Variants in VWA8 observed in about 807,000 individuals in gnomAD.
VWA8 encodes the protein von Willebrand factor A domain-containing protein 8.
VWA8 carries 221 observed loss-of-function variants against 241.5 expected under a neutral mutation model. The ratio of observed to expected loss-of-function variants is 0.91; its 90% CI spans 0.82 to 1.02. The LOEUF (loss-of-function observed/expected upper bound fraction) is 1.02. Among genes scored for constraint, VWA8 ranks in the 50% least tolerant of loss-of-function variants. VWA8 has a pLI of 0.00. For synonymous variants in VWA8, 852 were observed against 827.1 expected, an observed-to-expected ratio of 1.03 and a Z score of -0.52; for missense variants, 2,322 against 2,328.7, an observed-to-expected ratio of 1.00 and a Z score of 0.06.
intron 18 of VWA8, among the ~76,000 whole-genome samples, chr13:41,784,679 T>TCTCTC (rs1555335019): frequency 2.1e-5 from 2 of 93,516 alleles, no homozygotes; most frequent in Admixed American, 1.2e-4. Context: ...TCTCTCTCTC[T>TCTCTC]TTATACATAT....
chr13:41,753,687 G>A (rs1198797377), intron 21 of VWA8, among the ~76,000 whole-genome samples: 1 of 152,092 alleles, frequency 6.6e-6, no homozygotes, highest in African/African-American at 2.4e-5. Context: ...AAAGTACACT[G>A]GTTGTGTTTT....
Position 41,685,255 on chromosome 13 carries a change from A to G in VWA8, c.4132-13T>C. ...CTTCACTGGGTGACTGAAAAAAAGA[A>G]AGAGATTAAAGTACTGAAGTACCAT... is the stretch of plus-strand genomic sequence containing the variant. On this transcript the variant is annotated splice_polypyrimidine_tract_variant and intron_variant, in intron 34 of 44. Coordinates refer to ENST00000379310, the MANE Select transcript of VWA8 (RefSeq NM_015058.2). 2 of 1,607,886 alleles carry G rather than the reference A, an allele frequency of 1.2e-6. No individual in the cohort carries two copies. The highest frequency in any genetic ancestry group is 1.7e-6 in the Non-Finnish European group (2 of 1,177,656).
chr13:41,907,658 T>C lies in VWA8; in HGVS notation c.411A>G (p.Ser137=). 1.2e-6 allele frequency: 2 copies of C among 1,614,176 alleles called. No individual in the cohort carries two copies. Among genetic ancestry groups the C allele is most frequent in the Non-Finnish European group, 1.7e-6 (2 of 1,179,996 alleles). Residue 137 remains serine (S), a synonymous_variant, in exon 4 of 45, where the codon TCA becomes TCG. Transcript: ENST00000379310. ...TGAGATCAGTTTCAGTGGTGTCCCTTGACAGGGCAATGTATTCGACCTCCC... is the reference window on the plus strand; with the variant it reads ...TGAGATCAGTTTCAGTGGTGTCCCTCGACAGGGCAATGTATTCGACCTCCC... ...TKREVEYIAL[S]RDTTETDLKQ... is the part of the protein sequence containing the mutation.
At chr13:41,733,441 C>T (rs1379830930) in intron 21 of VWA8, among the ~76,000 whole-genome samples, 1 of 152,074 alleles carries the variant, frequency 6.6e-6, no homozygotes, top group Non-Finnish European at 1.5e-5. Flanking sequence ...AAAACCCACC[C>T]AAAAGGATTG....
chr13:41,640,125 G>A (rs2044785872), intron 37 of VWA8, among the ~76,000 whole-genome samples: 1 of 152,112 alleles, frequency 6.6e-6, no homozygotes. Context: ...ATTCTTCTTA[G>A]ATACAAAAGA....
rs190033403 is a variant in VWA8 at position 41,957,311 on chromosome 13, C to T, written c.163+3542G>A. 2.0e-3 allele frequency among the ~76,000 whole-genome samples: 297 copies of T among 152,240 alleles called. 1 individual carries two copies. Among genetic ancestry groups the T allele is most frequent in the African/African-American group, 6.8e-3 (284 of 41,524 alleles). On this transcript the variant is annotated intron_variant, in intron 1 of 44. Transcript: ENST00000379310. ...TCTGTACACAAGCTCTCTTACTTGCCGCTATGTAAGACGTGACTTTTCTCC... is the reference window on the plus strand; with the variant it reads ...TCTGTACACAAGCTCTCTTACTTGCTGCTATGTAAGACGTGACTTTTCTCC...
At chr13:41,931,248 T>C (rs1424463358) in intron 2 of VWA8, among the ~76,000 whole-genome samples, 1 of 135,466 alleles carries the variant, frequency 7.4e-6, no homozygotes, top group African/African-American at 2.8e-5. Flanking sequence ...TGGAGGACAT[T>C]ATGCTAAGAG....
intron 5 of VWA8, among the ~76,000 whole-genome samples, chr13:41,889,193 CT>C (rs1468683869): frequency 6.6e-6 from 1 of 152,084 alleles, no homozygotes; most frequent in African/African-American, 2.4e-5. Context: ...TAAAAGTTGT[CT>C]TAAGATGATA....
Position 41,944,844 on chromosome 13 carries a change from G to A in VWA8, c.241+5092C>T, listed in dbSNP as rs375850927. Among the ~76,000 whole-genome samples, 21 of 147,344 alleles carry A rather than the reference G, an allele frequency of 1.4e-4. No homozygotes were observed. In the Middle Eastern group the frequency reaches 0.014, roughly 97 times the overall value. The stretch of plus-strand genomic sequence containing the variant: ...CATTTGTCAAAAAAAATCAACAATT[G>A]TTTAACATCACAGCTGCCTGAGGCA... On this transcript the variant is annotated intron_variant, in intron 2 of 44. Transcript: ENST00000379310.
At chr13:41,703,019 T>G (rs9566824) in intron 27 of VWA8, among the ~76,000 whole-genome samples, 1 of 151,942 alleles carries the variant, frequency 6.6e-6, no homozygotes, top group Non-Finnish European at 1.5e-5. Flanking sequence ...AAAATCAAAA[T>G]GCACAAAGTT....
intron 14 of VWA8, among the ~76,000 whole-genome samples, chr13:41,827,395 T>C (rs1410101992): frequency 2.6e-5 from 4 of 152,106 alleles, no homozygotes; most frequent in Admixed American, 2.0e-4. Context: ...ATAAATCAAA[T>C]ATCAATGAAA....
At chr13:41,593,920 T>C (rs568147250) in intron 40 of VWA8, among the ~76,000 whole-genome samples, 10 of 152,266 alleles carry the variant, frequency 6.6e-5, no homozygotes, top group Admixed American at 2.0e-4. Context: ...AATGAAATTG[T>C]ATATAACATG....
chr13:41,899,967 G>A (rs73185338), intron 4 of VWA8, among the ~76,000 whole-genome samples: 1,892 of 152,292 alleles, frequency 0.012, 13 homozygotes, highest in East Asian at 0.021. Context: ...CATCTCCCCA[G>A]TGGATTCTTA....
Position 41,843,236 on chromosome 13 carries a change from C to T in VWA8, c.1426-9705G>A, listed in dbSNP as rs1872137463. 2.0e-5 allele frequency among the ~76,000 whole-genome samples: 3 copies of T among 152,278 alleles called. No homozygotes were observed. The South Asian group carries it at 6.2e-4, about 32-fold the overall frequency. On this transcript the variant is annotated intron_variant, in intron 12 of 44. Transcript: ENST00000379310. Reference sequence around the variant, plus strand: ...CAATAGACTAAAACCCCAGCATATACAAACTAAAGAATCATATTTTATTCA... The same window carrying T: ...CAATAGACTAAAACCCCAGCATATATAAACTAAAGAATCATATTTTATTCA...
intron 17 of VWA8, among the ~76,000 whole-genome samples, chr13:41,799,771 T>G (rs1190766931): frequency 6.6e-6 from 1 of 152,290 alleles, no homozygotes; most frequent in East Asian, 1.9e-4. Flanking sequence ...AAGTATTAGC[T>G]CTATTGAGAT....
chr13:41,765,395 A>G (rs1197282227), intron 20 of VWA8, among the ~76,000 whole-genome samples: 1 of 152,190 alleles, frequency 6.6e-6, no homozygotes, highest in East Asian at 1.9e-4. Context: ...TTTTTCTAAA[A>G]TAGAGATCTC....
At position 41,891,438 on chromosome 13, in the gene VWA8, A is replaced by C; in HGVS notation, c.633T>G (p.Arg211=). ...EDGRFLMSAE[R]YDKLLRDHTK... The stretch of plus-strand genomic sequence containing the variant: ...TTCTTACTCGGAGAAGTTTGTCGTA[A>C]CGCTCAGCAGACATCAGGAAGCGTC... The change falls in exon 5 of 45, where the codon CGT becomes CGG. Residue 211 remains arginine (R), a synonymous_variant. Transcript: ENST00000379310. 6.2e-7 allele frequency: 1 copy of C among 1,614,160 alleles called. No homozygotes were observed. Among genetic ancestry groups the C allele is most frequent in the Non-Finnish European group, 8.5e-7 (1 of 1,180,018 alleles).
intron 20 of VWA8, among the ~76,000 whole-genome samples, chr13:41,773,673 AT>A (rs571797706): frequency 4.0e-4 from 61 of 152,334 alleles, no homozygotes; most frequent in Non-Finnish European, 7.8e-4. Flanking sequence ...ATGAAAACAC[AT>A]TAGAAAGGAA....
chr13:41,935,951 T>A (rs1877329808), intron 2 of VWA8, among the ~76,000 whole-genome samples: 1 of 152,084 alleles, frequency 6.6e-6, no homozygotes, highest in South Asian at 2.1e-4. Flanking sequence ...ACTGATAGAC[T>A]CAGGTTGCTT....
Sources: allele counts gnomAD v4.1 joint callset (sites outside exome capture counted in the v4.1 genomes callset), GRCh38; gene constraint gnomAD v4.1.1; transcripts MANE v1.5; gene names NCBI Gene and HGNC (gene_info 2026-07-23, HGNC 2026-07-21).